The following CRISPLD1 variants were observed in gnomAD, a reference collection of about 807,000 sequenced individuals.
The protein encoded by CRISPLD1 is cysteine-rich secretory protein LCCL domain-containing 1.
A neutral mutation model predicts 77.5 loss-of-function variants in CRISPLD1; 60 were observed. The observed-to-expected ratio is 0.77, with a 90% CI of 0.63 to 0.96. CRISPLD1 has a LOEUF of 0.96. Among genes scored for constraint, CRISPLD1 ranks in the 40% least tolerant of loss-of-function variants. The pLI is 0.00. For missense variants in CRISPLD1, 623 were observed against 615.8 expected, an observed-to-expected ratio of 1.01 and a Z score of -0.12; for synonymous variants, 195 against 200.1, an observed-to-expected ratio of 0.97 and a Z score of 0.22.
chr8:75,000,461 A>G, intron 2 of CRISPLD1: 1 of 975,066 alleles, frequency 1.0e-6, no homozygotes, highest in Non-Finnish European at 1.2e-6. Flanking sequence ...ATGAACATCT[A>G]CCATGTTATT....
At chr8:75,005,093 C>T (rs576929998) in intron 2 of CRISPLD1, among the ~76,000 whole-genome samples, 14 of 152,208 alleles carry the variant, frequency 9.2e-5, no homozygotes, top group Admixed American at 5.2e-4. Flanking sequence ...TATCACAAAA[C>T]GGCTTCTCAA....
chr8:75,020,484 C>T (rs1047902609), intron 12 of CRISPLD1, among the ~76,000 whole-genome samples: 1 of 152,294 alleles, frequency 6.6e-6, no homozygotes, highest in East Asian at 1.9e-4. Flanking sequence ...TCCTGGTCTA[C>T]AGATGGCCAC....
At chr8:75,007,663 CTTT>C (rs34289550) in intron 2 of CRISPLD1, among the ~76,000 whole-genome samples, 166 of 89,308 alleles carry the variant, frequency 1.9e-3, no homozygotes, top group African/African-American at 7.6e-3. Context: ...GAACCATCGA[CTTT>C]TTTTTTTTTT....
intron 12 of CRISPLD1, among the ~76,000 whole-genome samples, chr8:75,024,025 T>G (rs1313862484): frequency 6.6e-6 from 1 of 152,136 alleles, no homozygotes; most frequent in South Asian, 2.1e-4. Context: ...CAACCAGATA[T>G]CAGTAAGGCA....
intron 2 of CRISPLD1, 126 bp downstream of exon 2, chr8:74,986,371 A>G (rs1169892150): frequency 3.2e-5 from 32 of 985,020 alleles, no homozygotes; most frequent in Non-Finnish European, 4.5e-5. Flanking sequence ...CTTTGAGGGT[A>G]TTTTCCTCTG....
chr8:75,028,386 CAT>C (rs1344240281), intron 13 of CRISPLD1, among the ~76,000 whole-genome samples: 5 of 152,088 alleles, frequency 3.3e-5, no homozygotes, highest in African/African-American at 4.8e-5. Flanking sequence ...AAATCACTCA[CAT>C]GTGCATAGAG....
At chr8:74,993,181 G>A (rs1381427704) in intron 2 of CRISPLD1, among the ~76,000 whole-genome samples, 11 of 152,090 alleles carry the variant, frequency 7.2e-5, no homozygotes, top group Admixed American at 7.2e-4. Flanking sequence ...TGGTACAAGT[G>A]CCAGGAATTG....
Position 75,012,479 on chromosome 8 carries a change from G to A in CRISPLD1, c.305G>A (p.Ser102Asn), listed in dbSNP as rs565831899. 2.5e-6 allele frequency: 4 copies of A among 1,613,266 alleles called. No homozygotes were observed. The highest frequency in any genetic ancestry group is 3.3e-5 in the Admixed American group (2 of 59,904). The change falls in exon 3 of 15, where the codon AGT becomes AAT. Residue 102 changes from serine (S) to asparagine (N), a missense_variant. Ser to Asn is a conservative substitution (Grantham distance 46). Transcript: ENST00000262207. ...AGATCTGCAGAATCCTGGGCTGAAA[G>A]TTGCTTGTGGGAACATGGACCTGCA... is the stretch of plus-strand genomic sequence containing the variant. ...LERSAESWAE[S>N]CLWEHGPASL...
chr8:74,995,977 A>C (rs1277426654), intron 2 of CRISPLD1, among the ~76,000 whole-genome samples: 1 of 151,274 alleles, frequency 6.6e-6, no homozygotes, highest in East Asian at 1.9e-4. Flanking sequence ...TCATATTTTT[A>C]ATGATTTTTA....
chr8:74,997,051 A>G (rs924724925), intron 2 of CRISPLD1, among the ~76,000 whole-genome samples: 10 of 152,104 alleles, frequency 6.6e-5, no homozygotes, highest in African/African-American at 2.4e-4. Context: ...GTGAATAAAA[A>G]TTTGTTTTAT....
Position 75,017,081 on chromosome 8 carries a change from G to A in CRISPLD1, c.964G>A (p.Ala322Thr), listed in dbSNP as rs1213876627. 2.5e-6 allele frequency: 4 copies of A among 1,612,584 alleles called. No individual in the cohort carries two copies. In the African/African-American group the frequency reaches 4.0e-5, roughly 16 times the overall value. ...ECPAGCLDSK[A>T]KVIGSVHYEM... Reference sequence around the variant, plus strand: ...TCCTGCTGGCTGTTTGGATAGTAAAGCTAAAGTTATTGGCAGTGTACATTA... The same window carrying A: ...TCCTGCTGGCTGTTTGGATAGTAAAACTAAAGTTATTGGCAGTGTACATTA... The change falls in exon 9 of 15, where the codon GCT (alanine) becomes ACT (threonine). Residue 322 changes from alanine (A) to threonine (T), a missense_variant. Coordinates refer to ENST00000262207, the MANE Select transcript of CRISPLD1 (RefSeq NM_031461.6).
At chr8:75,010,889 G>A (rs1240986588) in intron 2 of CRISPLD1, among the ~76,000 whole-genome samples, 1 of 151,564 alleles carries the variant, frequency 6.6e-6, no homozygotes, top group Non-Finnish European at 1.5e-5. Context: ...TTTTCCTCTG[G>A]ACCCCCAGTC....
intron 13 of CRISPLD1, among the ~76,000 whole-genome samples, chr8:75,026,256 A>G (rs7844051): frequency 3.9e-5 from 6 of 152,026 alleles, no homozygotes; most frequent in South Asian, 2.1e-4. Context: ...CTCTTTTTCT[A>G]TTGTTGTAGA....
rs1286180855 is a variant in CRISPLD1 at position 74,997,609 on chromosome 8, T to C, written c.258+11364T>C. On this transcript the variant is annotated intron_variant, in intron 2 of 14. Transcript: ENST00000262207. The stretch of plus-strand genomic sequence containing the variant: ...GATCACCCAAGAAGAAGGTTTTTTA[T>C]AGACAAGGGTTGAATGCCTTAGACT... Among the ~76,000 whole-genome samples the C allele has an allele frequency of 3.9e-5, 6 of 152,266 alleles. No individual in the cohort carries two copies. The East Asian group carries it at 1.2e-3, about 29-fold the overall frequency.
At chr8:75,012,639 C>A in intron 3 of CRISPLD1, 88 bp downstream of exon 3, 2 of 958,662 alleles carry the variant, frequency 2.1e-6, no homozygotes, top group Non-Finnish European at 1.6e-6. Flanking sequence ...TTTTCAAAGA[C>A]TTGGTGCCTG....
intron 4 of CRISPLD1, 94 bp downstream of exon 4, chr8:75,013,116 T>C (rs1812963741): frequency 4.6e-6 from 5 of 1,076,762 alleles, no homozygotes; most frequent in Non-Finnish European, 6.2e-6. Flanking sequence ...TCTTATTTAA[T>C]ATGGTTATTA....
Position 74,993,394 on chromosome 8 carries a change from AC to A in CRISPLD1, c.258+7150del, listed in dbSNP as rs556298539. 5.2e-3 allele frequency among the ~76,000 whole-genome samples: 793 copies of A among 152,328 alleles called. 4 individuals carry two copies. The highest frequency in any genetic ancestry group is 0.018 in the African/African-American group (759 of 41,572). On this transcript the variant is annotated intron_variant, in intron 2 of 14. Transcript: ENST00000262207. Reference sequence around the variant, plus strand: ...TTTCTGTTTAAAGAATATCATTATTACTTAAAATTACTAAAGTTCCCTTATT... The same window carrying A: ...TTTCTGTTTAAAGAATATCATTATTATTAAAATTACTAAAGTTCCCTTATT...
rs1170230104 is a variant in CRISPLD1, at chr8:75,029,373, C to A, written c.1321-14C>A. 2.5e-6 allele frequency: 4 copies of A among 1,604,844 alleles called. No homozygotes were observed. In the African/African-American group the frequency reaches 4.0e-5, roughly 16 times the overall value. On this transcript the variant is annotated splice_polypyrimidine_tract_variant and intron_variant, in intron 13 of 14. Coordinates refer to ENST00000262207, the MANE Select transcript of CRISPLD1 (RefSeq NM_031461.6). Reference sequence around the variant, plus strand: ...AATTTCCAATAATGGCAGTTTGTTTCTTTACCTTCTCAGCTGTCCAGTATC... The same window carrying A: ...AATTTCCAATAATGGCAGTTTGTTTATTTACCTTCTCAGCTGTCCAGTATC...
At position 75,021,182 on chromosome 8, in the gene CRISPLD1, C is replaced by G. The variant is rs552368784; in HGVS notation, c.1244+1103C>G. On this transcript the variant is annotated intron_variant, in intron 12 of 14. Coordinates refer to ENST00000262207, the MANE Select transcript of CRISPLD1 (RefSeq NM_031461.6). ...CTTTGGAAAAACATCATTACTTACC[C>G]TTTTGAAATGAAAGCAATGTTTCAC... 6.6e-5 allele frequency among the ~76,000 whole-genome samples: 10 copies of G among 152,298 alleles called. No individual in the cohort carries two copies. In the East Asian group the frequency reaches 1.9e-3, roughly 29 times the overall value.
Sources: allele counts gnomAD v4.1 joint callset (sites outside exome capture counted in the v4.1 genomes callset), GRCh38; gene constraint gnomAD v4.1.1; transcripts MANE v1.5; gene names NCBI Gene and HGNC (gene_info 2026-07-23, HGNC 2026-07-21).